The following CALCOCO2 variants were observed in gnomAD, a reference collection of about 807,000 sequenced individuals.
CALCOCO2 encodes calcium-binding and coiled-coil domain-containing protein 2.
In CALCOCO2, 42 loss-of-function variants were observed where a neutral mutation model predicts 62.5. The ratio of observed to expected loss-of-function variants is 0.67; its 90% CI spans 0.53 to 0.87. CALCOCO2 has a LOEUF of 0.87. Among genes scored for constraint, CALCOCO2 ranks in the 40% least tolerant of loss-of-function variants. The pLI, the probability that CALCOCO2 is intolerant of heterozygous loss-of-function variation, is 0.00. For missense variants in CALCOCO2, 456 were observed against 515.0 expected, an observed-to-expected ratio of 0.89 and a Z score of 1.11; for synonymous variants, 167 against 173.0, an observed-to-expected ratio of 0.97 and a Z score of 0.27.
In CALCOCO2 at chr17:48,852,707, A is replaced by G. The variant is rs985124188; in HGVS notation, c.825+79A>G. The G allele has an allele frequency of 1.3e-5, 17 of 1,354,792 alleles. No homozygotes were observed. The African/African-American group carries it at 2.2e-4, about 18-fold the overall frequency. 83.9% of individuals were successfully genotyped at this position (1,354,792 alleles called of 1,614,324 possible). A position where few individuals can be genotyped will look rare whatever the true frequency, so the allele number is the denominator to read the frequency against. On this transcript the variant is annotated intron_variant, in intron 8 of 12. Coordinates refer to ENST00000258947, the MANE Select transcript of CALCOCO2 (RefSeq NM_005831.5). ...TGTTCTTTGTATAAAGAACATTTTA[A>G]TGTTCTTTAATATACCTGGATGTCA...
chr17:48,850,478 A>G (rs2040113099), intron 5 of CALCOCO2, among the ~76,000 whole-genome samples: 2 of 151,754 alleles, frequency 1.3e-5, no homozygotes, highest in South Asian at 4.2e-4. Context: ...AAAACAAAAA[A>G]TATATATATA....
chr17:48,862,418 C>A, intron 12 of CALCOCO2, 114 bp downstream of exon 12: 1 of 788,710 alleles, frequency 1.3e-6, no homozygotes, highest in Non-Finnish European at 2.2e-6. Flanking sequence ...CTCCAGAAGT[C>A]AGCTGGATCA....
intron 2 of CALCOCO2, among the ~76,000 whole-genome samples, chr17:48,845,203 A>G (rs72831881): frequency 1.2e-4 from 18 of 152,250 alleles, no homozygotes; most frequent in Non-Finnish European, 2.4e-4. Flanking sequence ...AGGTATTACC[A>G]TACCCCAATA....
intron 2 of CALCOCO2, chr17:48,846,599 A>C: frequency 4.5e-6 from 3 of 667,420 alleles, no homozygotes; most frequent in Non-Finnish European, 8.0e-6. Context: ...GCATTAAGAA[A>C]CTCCAGGATG....
At chr17:48,860,499 T>A in intron 11 of CALCOCO2, 50 bp downstream of exon 11, 1 of 1,578,054 alleles carries the variant, frequency 6.3e-7, no homozygotes, top group Non-Finnish European at 8.7e-7. Flanking sequence ...TGCATCCCTT[T>A]CCCCTACTAA....
chr17:48,856,205 G>A lies in CALCOCO2; in HGVS notation c.1008+18G>A. 1 of 1,416,192 alleles carries A rather than the reference G, an allele frequency of 7.1e-7. No individual in the cohort carries two copies. Among genetic ancestry groups the A allele is most frequent in the African/African-American group, 1.4e-5 (1 of 70,948 alleles). 87.7% of individuals were successfully genotyped at this position (1,416,192 alleles called of 1,614,324 possible). A position where few individuals can be genotyped will look rare whatever the true frequency, so the allele number is the denominator to read the frequency against. ...AAAATGATGTAAGTGTGTGAAAGAG[G>A]GTATAAAACCCCAAGGTTTTAAGGG... On this transcript the variant is annotated intron_variant, in intron 10 of 12. Transcript: ENST00000258947.
intron 9 of CALCOCO2, among the ~76,000 whole-genome samples, chr17:48,853,762 A>G (rs1367727997): frequency 1.3e-5 from 2 of 152,252 alleles, no homozygotes; most frequent in East Asian, 3.8e-4. Context: ...ATTTAAAAAT[A>G]GGAATATTTC....
chr17:48,853,668 G>A (rs573094303), intron 9 of CALCOCO2, among the ~76,000 whole-genome samples: 1 of 152,290 alleles, frequency 6.6e-6, no homozygotes, highest in South Asian at 2.1e-4. Flanking sequence ...GCATGATATA[G>A]GAAAGAGTAG....
intron 11 of CALCOCO2, among the ~76,000 whole-genome samples, 187 bp from the exon 12 acceptor site, chr17:48,862,089 T>G (rs960370570): frequency 1.1e-4 from 17 of 152,076 alleles, no homozygotes; most frequent in Non-Finnish European, 2.1e-4. Flanking sequence ...TTATGTTTTC[T>G]TTTCACCTTA....
chr17:48,841,912 T>G (rs1159281065), intron 2 of CALCOCO2, 25 bp downstream of exon 2: 2 of 1,557,744 alleles, frequency 1.3e-6, no homozygotes, highest in African/African-American at 1.4e-5. Context: ...CAGTACCAAG[T>G]GATCAGGAAC....
At chr17:48,855,052 T>C (rs2040194234) in intron 9 of CALCOCO2, among the ~76,000 whole-genome samples, 1 of 152,066 alleles carries the variant, frequency 6.6e-6, no homozygotes, top group East Asian at 1.9e-4. Flanking sequence ...AGGTTAGTGG[T>C]TCTTAGACCA....
intron 1 of CALCOCO2, among the ~76,000 whole-genome samples, chr17:48,833,605 A>T (rs997472825): frequency 2.6e-5 from 4 of 151,988 alleles, no homozygotes; most frequent in Admixed American, 2.0e-4. Context: ...ATCCAATTAA[A>T]TTGGGTTTGA....
rs56042249 is a variant in CALCOCO2, at chr17:48,854,396, A to T, written c.912+1384A>T. Among the ~76,000 whole-genome samples, 17 of 1,916 alleles carry T rather than the reference A, an allele frequency of 8.9e-3. 1 individual carries two copies. Among genetic ancestry groups the T allele is most frequent in the African/African-American group, 9.9e-3 (12 of 1,214 alleles). 1.3% of individuals were successfully genotyped at this position (1,916 alleles called of 152,430 possible). ...TTTTCTTTTATTTATATATATATAT[A>T]TTTTTTTTTTTTTTTTTTTTTTTTT... is the stretch of plus-strand genomic sequence containing the variant. On this transcript the variant is annotated intron_variant, in intron 9 of 12. Coordinates refer to ENST00000258947, the MANE Select transcript of CALCOCO2 (RefSeq NM_005831.5).
intron 7 of CALCOCO2, 196 bp downstream of exon 7, chr17:48,851,824 TTAA>T: frequency 2.0e-6 from 1 of 504,280 alleles, no homozygotes; most frequent in Non-Finnish European, 3.6e-6. Context: ...GCCCCTGCTT[TTAA>T]AAAAAAAAAA....
At chr17:48,852,709 G>A in intron 8 of CALCOCO2, 81 bp downstream of exon 8, 3 of 1,360,020 alleles carry the variant, frequency 2.2e-6, no homozygotes, top group South Asian at 2.5e-5. Context: ...ACATTTTAAT[G>A]TTCTTTAATA....
At chr17:48,850,648 T>G (rs994753783) in intron 5 of CALCOCO2, among the ~76,000 whole-genome samples, 1 of 152,208 alleles carries the variant, frequency 6.6e-6, no homozygotes, top group South Asian at 2.1e-4. Context: ...GTGTCTGCAA[T>G]GCAAGAACAG....
rs2040359472 is a variant in CALCOCO2 at position 48,863,922 on chromosome 17, T to C, written c.*917T>C. On this transcript the variant is annotated 3_prime_UTR_variant, in exon 13 of 13. Coordinates refer to ENST00000258947, the MANE Select transcript of CALCOCO2 (RefSeq NM_005831.5). The stretch of plus-strand genomic sequence containing the variant: ...GGGAAAATTGTGATCAAAAGGGCTA[T>C]GGGAAGGGCAGACCCCGCCAATGAT... 6.6e-6 allele frequency: 1 copy of C among 152,110 alleles called. No homozygotes were observed. The highest frequency in any genetic ancestry group is 1.5e-5 in the Non-Finnish European group (1 of 68,024). The allele number at this position is 152,110 out of a possible 1,614,324, so 9.4% of individuals were successfully genotyped here.
intron 9 of CALCOCO2, among the ~76,000 whole-genome samples, chr17:48,854,477 C>T (rs1347696462): frequency 8.5e-6 from 1 of 118,072 alleles, no homozygotes; most frequent in African/African-American, 3.3e-5. Context: ...CTGATCTCAG[C>T]TCACTGCGAC....
intron 11 of CALCOCO2, among the ~76,000 whole-genome samples, chr17:48,860,786 A>G (rs531712152): frequency 1.3e-5 from 2 of 152,084 alleles, no homozygotes; most frequent in South Asian, 2.1e-4. Context: ...AAATGGTAGC[A>G]AGAGAGGCAA....
Sources: allele counts gnomAD v4.1 joint callset (sites outside exome capture counted in the v4.1 genomes callset), GRCh38; gene constraint gnomAD v4.1.1; transcripts MANE v1.5; gene names NCBI Gene and HGNC (gene_info 2026-07-23, HGNC 2026-07-21).